Variants in ASXL2 observed in about 807,000 individuals in gnomAD.
The protein encoded by ASXL2 is ASXL transcriptional regulator 2.
A neutral mutation model predicts 122.0 loss-of-function variants in ASXL2; 23 were observed. The ratio of observed to expected loss-of-function variants is 0.19; its 90% CI spans 0.14 to 0.27. ASXL2 has a LOEUF of 0.27. ASXL2 is among the 10% of genes least tolerant of loss of function. ASXL2 has a pLI of 1.00. For synonymous variants in ASXL2, 650 were observed against 637.0 expected (o/e 1.02, Z -0.31); for missense variants, 1,518 against 1,713.8 (o/e 0.89, Z 2.02).
At chr2:25,770,916 A>G (rs937856212) in intron 6 of ASXL2, among the ~76,000 whole-genome samples, 1 of 151,988 alleles carries the variant, frequency 6.6e-6, no homozygotes, top group Non-Finnish European at 1.5e-5. Context: ...CTACGAACAA[A>G]TTAGACACTT....
At chr2:25,839,610 CTATCT>C (rs1185114930) in intron 2 of ASXL2, among the ~76,000 whole-genome samples, 1 of 126,630 alleles carries the variant, frequency 7.9e-6, no homozygotes, top group African/African-American at 2.9e-5. Context: ...ATGGGAAATT[CTATCT>C]TTTTTTTTTT....
In ASXL2 at chr2:25,744,455, G is replaced by T; in HGVS notation, c.1882C>A (p.Pro628Thr). The T allele has an allele frequency of 6.2e-7, 1 of 1,601,306 alleles. No homozygotes were observed. The highest frequency in any genetic ancestry group is 1.8e-5 in the Admixed American group (1 of 56,328). ...PLKIPVSRIS[P>T]MPFHPSQVSP... ...ACCTGCGATGGATGAAACGGCATGG[G>T]GGAGATTCTGGAGACCGGGATCTGA... The change falls in exon 13 of 13, where the codon CCC (proline) becomes ACC (threonine). Residue 628 changes from proline to threonine, a missense_variant. This residue lies in a region of ASXL2 where 292 missense variants were observed against 293.5 expected (regional missense o/e 1.00). Transcript: ENST00000435504. This position sits in a 1 kb window ranked among gnomAD's most constrained non-coding sequence, Gnocchi z 4.7.
intron 3 of ASXL2, among the ~76,000 whole-genome samples, chr2:25,815,040 T>C (rs1267315388): frequency 2.0e-5 from 3 of 152,180 alleles, no homozygotes; most frequent in Admixed American, 2.0e-4. Flanking sequence ...GCAGTTACTT[T>C]ACCAACTTAC....
intron 8 of ASXL2, among the ~76,000 whole-genome samples, chr2:25,765,618 A>T (rs1389184084): frequency 1.3e-5 from 2 of 152,228 alleles, no homozygotes; most frequent in Non-Finnish European, 1.5e-5. Context: ...AAACTTAAAT[A>T]AACGGAAATG....
chr2:25,863,192 T>C (rs981189079), intron 1 of ASXL2, among the ~76,000 whole-genome samples: 3 of 151,420 alleles, frequency 2.0e-5, no homozygotes, highest in Non-Finnish European at 4.4e-5. Context: ...TAGCCGGGCG[T>C]GGTGGTACGC....
intron 1 of ASXL2, among the ~76,000 whole-genome samples, chr2:25,851,159 AAAAG>A (rs199657818): frequency 0.023 from 3,351 of 146,142 alleles, 128 homozygotes; most frequent in African/African-American, 0.074. Flanking sequence ...AAAAAAAAAA[AAAAG>A]AAAGAAAGAA....
At chr2:25,762,270 TAG>T (rs1574402366) in intron 8 of ASXL2, among the ~76,000 whole-genome samples, 1 of 95,202 alleles carries the variant, frequency 1.1e-5, no homozygotes, top group East Asian at 3.0e-4. Flanking sequence ...CCAAACTCAG[TAG>T]AGAGAAAAAA....
intron 3 of ASXL2, among the ~76,000 whole-genome samples, chr2:25,809,460 T>G (rs961284476): frequency 6.6e-6 from 1 of 152,214 alleles, no homozygotes; most frequent in African/African-American, 2.4e-5. Flanking sequence ...CCATAATGGA[T>G]TCTTTCCCTG....
rs765879376 is a variant in ASXL2, at chr2:25,734,282, C to G, written c.*7747G>C. 1 of 152,000 alleles carries G rather than the reference C, an allele frequency of 6.6e-6. No individual in the cohort carries two copies. Among genetic ancestry groups the G allele is most frequent in the Non-Finnish European group, 1.5e-5 (1 of 67,994 alleles). 9.4% of individuals were successfully genotyped at this position (152,000 alleles called of 1,614,324 possible). On this transcript the variant is annotated 3_prime_UTR_variant, in exon 13 of 13. Transcript: ENST00000435504. ...GTCTCCTTATCTAACAAAGGGGTAA[C>G]CAAATCCAAGACTCTGGAAGCATCT...
intron 8 of ASXL2, among the ~76,000 whole-genome samples, chr2:25,760,865 C>G (rs993324588): frequency 5.3e-5 from 8 of 151,816 alleles, no homozygotes; most frequent in African/African-American, 1.9e-4. Flanking sequence ...TTGCTATGTA[C>G]AAAATGTTTA....
In ASXL2 at chr2:25,792,940, G is replaced by A. The variant is rs369683274; in HGVS notation, c.403+6445C>T. ...TTTTTTTTAAAGCTTAATATTAAGT[G>A]TTTTCAGAAAAACATTTAAAACAAA... On this transcript the variant is annotated intron_variant, in intron 5 of 12. Transcript: ENST00000435504. Among the ~76,000 whole-genome samples the A allele has an allele frequency of 1.1e-3, 165 of 150,716 alleles. 1 individual carries two copies. Among genetic ancestry groups the A allele is most frequent in the Middle Eastern group, 0.01 (3 of 294 alleles).
chr2:25,855,847 AAAGAG>A (rs2089770372), intron 1 of ASXL2, among the ~76,000 whole-genome samples: 1 of 151,264 alleles, frequency 6.6e-6, no homozygotes, highest in African/African-American at 2.4e-5. Flanking sequence ...AAAAAAAAAA[AAAGAG>A]AGAGAGACAG....
intron 10 of ASXL2, among the ~76,000 whole-genome samples, chr2:25,754,811 T>C (rs1473961070): frequency 6.6e-6 from 1 of 151,872 alleles, no homozygotes; most frequent in Non-Finnish European, 1.5e-5. Context: ...GTAGAACTGG[T>C]ATGTTTTAAT....
In ASXL2 at chr2:25,744,004, G is replaced by T; in HGVS notation, c.2333C>A (p.Pro778Gln). 6.2e-7 allele frequency: 1 copy of T among 1,613,918 alleles called. No individual in the cohort carries two copies. The highest frequency in any genetic ancestry group is 8.5e-7 in the Non-Finnish European group (1 of 1,179,866). The change falls in exon 13 of 13, where the codon CCA becomes CAA. Residue 778 changes from proline to glutamine, a missense_variant. Coordinates refer to ENST00000435504, the MANE Select transcript of ASXL2 (RefSeq NM_018263.6). The surrounding 1 kb of genome is among the most constrained non-coding windows in gnomAD (Gnocchi z 4.7). ...ACTGACGGCAGGTGTTGGAGGCACT[G>T]GGGGGGTTTGCTGTAGTTGTGCTCC... ...VSGAQLQQTP[P>Q]VPPTPAVSGA...
chr2:25,803,698 T>G (rs1404084041), intron 4 of ASXL2, among the ~76,000 whole-genome samples: 1 of 152,168 alleles, frequency 6.6e-6, no homozygotes, highest in Admixed American at 6.5e-5. Context: ...ATGACCTAGA[T>G]CCCTCAAATG....
chr2:25,810,205 G>A lies in ASXL2; in HGVS notation c.144-3868C>T, dbSNP rs536632872. ...AGTCTCATCTGCTCATCCATCTCTC[G>A]GCAATGGGACACTGCCAGCTCAGCT... is the stretch of plus-strand genomic sequence containing the variant. On this transcript the variant is annotated intron_variant, in intron 3 of 12. Transcript: ENST00000435504. 209 of 588,582 alleles carry A rather than the reference G, an allele frequency of 3.6e-4. 3 individuals carry two copies. Among genetic ancestry groups the A allele is most frequent in the South Asian group, 2.6e-3 (190 of 72,084 alleles). 36.5% of individuals were successfully genotyped at this position (588,582 alleles called of 1,614,324 possible). A position where few individuals can be genotyped will look rare whatever the true frequency, so the allele number is the denominator to read the frequency against.
At chr2:25,832,440 G>C (rs1383954479) in intron 3 of ASXL2, among the ~76,000 whole-genome samples, 1 of 151,952 alleles carries the variant, frequency 6.6e-6, no homozygotes, top group Non-Finnish European at 1.5e-5. Flanking sequence ...CAAGAAAAGA[G>C]AAACAGAGGA....
intron 1 of ASXL2, among the ~76,000 whole-genome samples, chr2:25,850,258 A>G (rs145827452): frequency 0.042 from 6,450 of 152,272 alleles, 211 homozygotes; most frequent in African/African-American, 0.08. Context: ...TCCCAAATTT[A>G]CAGGGAAAAA....
At chr2:25,768,458 C>T (rs983214088) in intron 7 of ASXL2, among the ~76,000 whole-genome samples, 1 of 152,128 alleles carries the variant, frequency 6.6e-6, no homozygotes, top group Admixed American at 6.6e-5. Context: ...TGTGCCCCAC[C>T]ACACCCGGCT....
Sources: gnomAD v4.1 joint callset for allele counts (sites outside exome capture counted in the v4.1 genomes callset) on GRCh38, gnomAD v4.1.1 for gene constraint, gnomAD v4.1.1 regional missense constraint, Gnocchi (gnomAD v3.1) non-coding constraint, MANE v1.5 for transcripts, NCBI Gene and HGNC (gene_info 2026-07-23, HGNC 2026-07-21) for gene names.